Variants in ADAM23 observed in about 807,000 individuals in gnomAD.
ADAM23 encodes the protein ADAM metallopeptidase domain 23, also known as disintegrin and metalloproteinase domain-containing protein 23.
In ADAM23, 33 loss-of-function variants were observed where a neutral mutation model predicts 120.1. That is an observed-to-expected ratio of 0.27 (90% CI 0.21 to 0.37). The LOEUF is 0.37. Among genes scored for constraint, ADAM23 ranks in the 10% least tolerant of loss-of-function variants. The pLI is 1.00. For synonymous variants in ADAM23, 367 were observed against 375.2 expected (o/e 0.98, Z 0.25); for missense variants, 862 against 1,058.2 (o/e 0.81, Z 2.57).
At chr2:206,557,366 C>A in intron 9 of ADAM23, 61 bp from the exon 10 acceptor site, 1 of 1,318,026 alleles carries the variant, frequency 7.6e-7, no homozygotes, top group South Asian at 1.2e-5. Context: ...GCTTTTACAG[C>A]ATTTTGAAAT....
At chr2:206,451,232 G>GGTA (rs1695187884) in intron 2 of ADAM23, among the ~76,000 whole-genome samples, 1 of 152,150 alleles carries the variant, frequency 6.6e-6, no homozygotes, top group Non-Finnish European at 1.5e-5. Context: ...GTGCAAGAAG[G>GGTA]GGAAACTCAA....
chr2:206,592,751 A>G lies in ADAM23; in HGVS notation c.2078+15A>G, dbSNP rs1698449218. On this transcript the variant is annotated intron_variant, in intron 22 of 25. Coordinates refer to ENST00000264377, the MANE Select transcript of ADAM23 (RefSeq NM_003812.4). ...ATTGACTGCAGGTAACATATTAAAT[A>G]TTAGAAGACCTAATAAGCCATGAGA... is the stretch of plus-strand genomic sequence containing the variant. The G allele has an allele frequency of 2.5e-6, 4 of 1,612,846 alleles. No individual in the cohort carries two copies. Among genetic ancestry groups the G allele is most frequent in the Non-Finnish European group, 1.7e-6 (2 of 1,179,400 alleles).
Position 206,507,711 on chromosome 2 carries a change from T to C in ADAM23, c.510-23174T>C, listed in dbSNP as rs114615584. Among the ~76,000 whole-genome samples, 717 of 152,386 alleles carry C rather than the reference T, an allele frequency of 4.7e-3. 6 individuals carry two copies. The highest frequency in any genetic ancestry group is 0.016 in the African/African-American group (674 of 41,598). On this transcript the variant is annotated intron_variant, in intron 3 of 25. Transcript: ENST00000264377. ...TTTTCTTAATGAGATTTTGTCTGAATGTCCACTGTTGTGTATTTTTAAGCC... is the reference window on the plus strand; with the variant it reads ...TTTTCTTAATGAGATTTTGTCTGAACGTCCACTGTTGTGTATTTTTAAGCC...
intron 3 of ADAM23, among the ~76,000 whole-genome samples, chr2:206,514,432 A>C (rs1217105417): frequency 1.3e-5 from 2 of 152,178 alleles, no homozygotes; most frequent in Non-Finnish European, 2.9e-5. Context: ...TAAGAGAGGA[A>C]CAACTAGAAG....
At chr2:206,599,279 T>C (rs1698590874) in intron 24 of ADAM23, among the ~76,000 whole-genome samples, 1 of 152,068 alleles carries the variant, frequency 6.6e-6, no homozygotes. Context: ...CCATTTTTAA[T>C]GAAGACAATG....
At chr2:206,457,575 T>G (rs1010677834) in intron 2 of ADAM23, among the ~76,000 whole-genome samples, 34 of 152,224 alleles carry the variant, frequency 2.2e-4, no homozygotes, top group African/African-American at 8.0e-4. Context: ...TTCTCATCTT[T>G]TTTTTTCCTT....
At chr2:206,546,339 T>C (rs559882254) in intron 6 of ADAM23, among the ~76,000 whole-genome samples, 165 of 152,322 alleles carry the variant, frequency 1.1e-3, no homozygotes, top group Non-Finnish European at 1.6e-3. Flanking sequence ...ATTTTAGATA[T>C]TTTGATGTTT....
Position 206,443,913 on chromosome 2 carries a change from G to T in ADAM23, c.47G>T (p.Cys16Phe). The change falls in exon 1 of 26, where the codon TGC becomes TTC. Residue 16 changes from cysteine to phenylalanine, a missense_variant. Coordinates refer to ENST00000264377, the MANE Select transcript of ADAM23 (RefSeq NM_003812.4). ...SSSRQPPLAG[C>F]SLAGASCGPQ... ...TCGCGGCAGCCGCCCCTGGCGGGCT[G>T]CAGCCTTGCCGGCGCTTCCTGCGGC... 8.3e-7 allele frequency: 1 copy of T among 1,211,552 alleles called. No individual in the cohort carries two copies. The highest frequency in any genetic ancestry group is 1.0e-6 in the Non-Finnish European group (1 of 977,930). 75.1% of individuals were successfully genotyped at this position (1,211,552 alleles called of 1,614,324 possible).
At chr2:206,473,588 AATAAT>A (rs1213979141) in intron 2 of ADAM23, among the ~76,000 whole-genome samples, 1 of 150,572 alleles carries the variant, frequency 6.6e-6, no homozygotes, top group Non-Finnish European at 1.5e-5. Context: ...TAATAATAAT[AATAAT>A]AATAATAACA....
Position 206,588,114 on chromosome 2 carries a change from C to T in ADAM23, c.1812C>T (p.Cys604=), listed in dbSNP as rs1388709647. ...AGGGCCGCTGCTACAATGGCGAGTG[C>T]AAGACCAGAGACAACCAGTGTCAGT... ...QNQGRCYNGE[C]KTRDNQCQYI... The change falls in exon 20 of 26, where the codon TGC becomes TGT. Residue 604 remains cysteine, a synonymous_variant. Transcript: ENST00000264377. 6.2e-7 allele frequency: 1 copy of T among 1,614,092 alleles called. No individual in the cohort carries two copies. The highest frequency in any genetic ancestry group is 1.1e-5 in the South Asian group (1 of 91,082).
intron 2 of ADAM23, among the ~76,000 whole-genome samples, chr2:206,468,060 AC>A (rs1695578212): frequency 6.6e-6 from 1 of 152,126 alleles, no homozygotes; most frequent in South Asian, 2.1e-4. Flanking sequence ...GGCCAGTGAA[AC>A]AATTCAATTC....
intron 8 of ADAM23, among the ~76,000 whole-genome samples, chr2:206,549,683 A>G (rs561594447): frequency 6.6e-6 from 1 of 152,050 alleles, no homozygotes; most frequent in Non-Finnish European, 1.5e-5. Context: ...TGCTATTCTT[A>G]TTAAATGAGT....
intron 2 of ADAM23, among the ~76,000 whole-genome samples, chr2:206,476,321 A>T (rs1208170179): frequency 1.3e-5 from 2 of 152,138 alleles, no homozygotes; most frequent in Admixed American, 6.5e-5. Context: ...CCACTTCCAA[A>T]TTCTGTTATG....
At chr2:206,535,102 G>A (rs904415807) in intron 4 of ADAM23, among the ~76,000 whole-genome samples, 3 of 152,096 alleles carry the variant, frequency 2.0e-5, no homozygotes, top group African/African-American at 7.2e-5. Flanking sequence ...CTGCCTGGGT[G>A]GGTAAGGCTA....
chr2:206,604,315 A>T (rs1698692870), intron 24 of ADAM23, among the ~76,000 whole-genome samples: 1 of 152,186 alleles, frequency 6.6e-6, no homozygotes, highest in Non-Finnish European at 1.5e-5. Flanking sequence ...ATATCAGTTA[A>T]TTTAGTATTC....
chr2:206,502,343 C>T (rs1010329737), intron 3 of ADAM23, among the ~76,000 whole-genome samples: 40 of 152,100 alleles, frequency 2.6e-4, no homozygotes, highest in Non-Finnish European at 2.5e-4. Context: ...CCAGCAGAAA[C>T]TTTTCTTCTG....
chr2:206,520,844 T>TG (rs1470477654), intron 3 of ADAM23, among the ~76,000 whole-genome samples: 1 of 152,100 alleles, frequency 6.6e-6, no homozygotes, highest in Admixed American at 6.6e-5. Flanking sequence ...TCCTACCCCT[T>TG]GCTTAAGCCT....
intron 15 of ADAM23, among the ~76,000 whole-genome samples, chr2:206,568,313 T>C (rs1378161103): frequency 6.6e-6 from 1 of 152,230 alleles, no homozygotes; most frequent in Non-Finnish European, 1.5e-5. Context: ...AGTGTCACAA[T>C]CCCTTATTCG....
intron 9 of ADAM23, among the ~76,000 whole-genome samples, chr2:206,552,796 G>A (rs1338128675): frequency 6.6e-6 from 1 of 151,838 alleles, no homozygotes; most frequent in Non-Finnish European, 1.5e-5. Flanking sequence ...CGAGTAGCTG[G>A]GACTATAGGT....
Sources: allele counts gnomAD v4.1 joint callset (sites outside exome capture counted in the v4.1 genomes callset), GRCh38; gene constraint gnomAD v4.1.1; transcripts MANE v1.5; gene names NCBI Gene and HGNC (gene_info 2026-07-23, HGNC 2026-07-21).